The following CAP2 variants were observed in gnomAD, a reference collection of about 807,000 sequenced individuals.
The protein encoded by CAP2 is cyclase associated actin cytoskeleton regulatory protein 2.
CAP2 carries 24 observed loss-of-function variants against 57.7 expected under a neutral mutation model. That is an observed-to-expected ratio of 0.42 (90% CI 0.30 to 0.58). The LOEUF (loss-of-function observed/expected upper bound fraction) is 0.58. Among genes scored for constraint, CAP2 ranks in the 20% least tolerant of loss-of-function variants. The pLI is 0.22. For synonymous variants in CAP2, 194 were observed against 207.2 expected, an observed-to-expected ratio of 0.94 and a Z score of 0.55; for missense variants, 501 against 590.3, an observed-to-expected ratio of 0.85 and a Z score of 1.57.
intron 12 of CAP2, among the ~76,000 whole-genome samples, chr6:17,554,806 CCTT>C (rs1439659997): frequency 2.0e-5 from 3 of 152,222 alleles, no homozygotes; most frequent in Non-Finnish European, 2.9e-5. Context: ...AGGTCTCTGT[CCTT>C]CTTCCTTGCC....
chr6:17,453,187 A>G (rs559838148), intron 3 of CAP2, among the ~76,000 whole-genome samples: 12 of 152,298 alleles, frequency 7.9e-5, no homozygotes, highest in African/African-American at 2.9e-4. Context: ...TGAGATTTGA[A>G]GGTGAGGTGG....
At chr6:17,450,134 C>T (rs188192918) in intron 3 of CAP2, among the ~76,000 whole-genome samples, 21 of 151,928 alleles carry the variant, frequency 1.4e-4, no homozygotes, top group African/African-American at 4.3e-4. Context: ...TCACTGCAAG[C>T]TCCGCCTCCC....
chr6:17,480,952 A>ATT (rs59581120), intron 4 of CAP2, among the ~76,000 whole-genome samples: 1,443 of 70,724 alleles, frequency 0.02, 94 homozygotes, highest in African/African-American at 0.08. Flanking sequence ...CTAATTTTGT[A>ATT]TTTTTTTTTT....
intron 3 of CAP2, among the ~76,000 whole-genome samples, chr6:17,439,802 TA>T (rs1760021139): frequency 6.6e-6 from 1 of 151,464 alleles, no homozygotes; most frequent in South Asian, 2.1e-4. Context: ...GGAGTGGCTA[TA>T]AATATAGACG....
intron 3 of CAP2, among the ~76,000 whole-genome samples, chr6:17,434,454 C>T (rs2113551359): frequency 6.6e-6 from 1 of 152,236 alleles, no homozygotes; most frequent in Admixed American, 6.5e-5. Flanking sequence ...GTCTCGAATT[C>T]CTGACCTCAA....
intron 3 of CAP2, among the ~76,000 whole-genome samples, chr6:17,436,471 A>C (rs1008163104): frequency 6.6e-6 from 1 of 151,980 alleles, no homozygotes; most frequent in Non-Finnish European, 1.5e-5. Flanking sequence ...TAAAGGGACT[A>C]TTTCGAAAGC....
intron 1 of CAP2, among the ~76,000 whole-genome samples, chr6:17,403,283 A>T (rs1313363099): frequency 6.6e-6 from 1 of 152,088 alleles, no homozygotes; most frequent in Non-Finnish European, 1.5e-5. Context: ...TTGTACTTTT[A>T]GTAGAGATGG....
At chr6:17,484,069 T>C (rs1315774946) in intron 4 of CAP2, among the ~76,000 whole-genome samples, 2 of 152,028 alleles carry the variant, frequency 1.3e-5, no homozygotes, top group African/African-American at 4.8e-5. Flanking sequence ...AGATGAGAAC[T>C]ATTTTTGCAG....
chr6:17,424,904 C>T (rs1317182152), intron 2 of CAP2, among the ~76,000 whole-genome samples: 1 of 152,216 alleles, frequency 6.6e-6, no homozygotes, highest in Non-Finnish European at 1.5e-5. Flanking sequence ...TCTTCCATAG[C>T]AACAAACAGG....
At chr6:17,555,539 T>TTTA (rs535449833) in intron 12 of CAP2, among the ~76,000 whole-genome samples, 15 of 150,916 alleles carry the variant, frequency 9.9e-5, no homozygotes, top group South Asian at 4.2e-4. Context: ...GAATCTGCAT[T>TTTA]TTATTATTAT....
chr6:17,532,739 C>CCCA (rs1762675628), intron 7 of CAP2, among the ~76,000 whole-genome samples: 1 of 112,776 alleles, frequency 8.9e-6, no homozygotes, highest in Non-Finnish European at 1.8e-5. Context: ...CTGAGCGATA[C>CCCA]TAAAAAAAAA....
intron 3 of CAP2, among the ~76,000 whole-genome samples, chr6:17,447,206 A>G (rs1244197923): frequency 6.6e-6 from 1 of 150,558 alleles, no homozygotes. Context: ...TTGTAGAGAC[A>G]GGGGGATCTC....
intron 3 of CAP2, among the ~76,000 whole-genome samples, chr6:17,451,571 G>A (rs527798950): frequency 2.2e-4 from 33 of 151,954 alleles, no homozygotes; most frequent in African/African-American, 7.7e-4. Flanking sequence ...GTGCAGTGGT[G>A]TGATCTCTGG....
At chr6:17,486,661 A>G (rs1761427044) in intron 4 of CAP2, among the ~76,000 whole-genome samples, 1 of 152,306 alleles carries the variant, frequency 6.6e-6, no homozygotes, top group South Asian at 2.1e-4. Flanking sequence ...CCAGGATATC[A>G]TAAGACAATC....
chr6:17,484,756 A>G (rs1761380649), intron 4 of CAP2, among the ~76,000 whole-genome samples: 2 of 152,172 alleles, frequency 1.3e-5, no homozygotes, highest in Admixed American at 6.5e-5. Context: ...AGAATTGCCT[A>G]TAGTAAGAAA....
intron 3 of CAP2, among the ~76,000 whole-genome samples, chr6:17,462,482 C>T (rs1760754332): frequency 6.6e-6 from 1 of 152,140 alleles, no homozygotes; most frequent in African/African-American, 2.4e-5. Flanking sequence ...TTGAAACCAT[C>T]ATCACTATTT....
intron 12 of CAP2, 30 bp downstream of exon 12, chr6:17,551,634 T>G (rs370526623): frequency 6.5e-7 from 1 of 1,527,416 alleles, no homozygotes; most frequent in Non-Finnish European, 8.9e-7. Context: ...CTGTCAAGAA[T>G]TTTTCTGGAG....
At position 17,540,756 on chromosome 6, in the gene CAP2, AAAC is replaced by A. The variant is rs376461452; in HGVS notation, c.827-198_827-196del. On this transcript the variant is annotated intron_variant, in intron 8 of 12. Transcript: ENST00000229922. Reference sequence around the variant, plus strand: ...GTGACAGAGCGAGACTCCATTTAAAAAACAACAACAACAACAACAACTTACAGT... The same window carrying A: ...GTGACAGAGCGAGACTCCATTTAAAAAACAACAACAACAACAACTTACAGT... Among the ~76,000 whole-genome samples the A allele has an allele frequency of 1.2e-3, 177 of 152,212 alleles. 5 individuals are homozygous for A. In the South Asian group the frequency reaches 0.033, roughly 29 times the overall value.
At chr6:17,402,668 G>A (rs189564188) in intron 1 of CAP2, among the ~76,000 whole-genome samples, 2 of 152,326 alleles carry the variant, frequency 1.3e-5, no homozygotes, top group Non-Finnish European at 2.9e-5. Flanking sequence ...GAATGAATTT[G>A]CTTAATACAT....
Sources: gnomAD v4.1 joint callset for allele counts (sites outside exome capture counted in the v4.1 genomes callset) on GRCh38, gnomAD v4.1.1 for gene constraint, MANE v1.5 for transcripts, NCBI Gene and HGNC (gene_info 2026-07-23, HGNC 2026-07-21) for gene names.